Variants in CCBE1 observed in about 807,000 individuals in gnomAD.
The protein encoded by CCBE1 is collagen and calcium-binding EGF domain-containing protein 1.
A neutral mutation model predicts 50.0 loss-of-function variants in CCBE1; 37 were observed. The ratio of observed to expected loss-of-function variants is 0.74; its 90% confidence interval spans 0.57 to 0.97. The LOEUF is 0.97. CCBE1 is among the 50% of genes least tolerant of loss of function. CCBE1 has a pLI of 0.00. For synonymous variants in CCBE1, 234 were observed against 203.7 expected, an observed-to-expected ratio of 1.15 and a Z score of -1.27; for missense variants, 538 against 523.8, an observed-to-expected ratio of 1.03 and a Z score of -0.26.
At chr18:59,622,201 G>A (rs924968569) in intron 2 of CCBE1, among the ~76,000 whole-genome samples, 3 of 152,198 alleles carry the variant, frequency 2.0e-5, no homozygotes, top group Non-Finnish European at 4.4e-5. Flanking sequence ...GGGCCAACAT[G>A]AGGCTGCCCA....
At chr18:59,494,292 T>C (rs1395596528) in intron 2 of CCBE1, among the ~76,000 whole-genome samples, 1 of 152,184 alleles carries the variant, frequency 6.6e-6, no homozygotes, top group Admixed American at 6.5e-5. Context: ...GTGGCCCAAA[T>C]CCACTTTCTC....
In CCBE1 at chr18:59,448,076, C is replaced by G; in HGVS notation, c.682G>C (p.Asp228His). The G allele has an allele frequency of 6.2e-7, 1 of 1,614,008 alleles. No homozygotes were observed. Among genetic ancestry groups the G allele is most frequent in the Non-Finnish European group, 8.5e-7 (1 of 1,180,024 alleles). ...TCACCAGTGATATACTTGCCCAGGT[C>G]AGCTGCATTGTTGGGGAGCAGAGCA... ...KIALLPNNAA[D>H]LGKYITGDKV... is the part of the protein sequence containing the mutation. Residue 228 changes from aspartate (D) to histidine (H), a missense_variant, in exon 7 of 11, where the codon GAC becomes CAC. Physicochemically the swap from Asp to His is moderately conservative, Grantham distance 81. Coordinates refer to ENST00000439986, the MANE Select transcript of CCBE1 (RefSeq NM_133459.4).
chr18:59,521,919 C>T (rs931545013), intron 2 of CCBE1, among the ~76,000 whole-genome samples: 5 of 152,146 alleles, frequency 3.3e-5, no homozygotes, highest in Non-Finnish European at 5.9e-5. Flanking sequence ...ACACACATTC[C>T]TTAATCCTAA....
chr18:59,523,965 G>A (rs1316853339), intron 2 of CCBE1, among the ~76,000 whole-genome samples: 1 of 152,148 alleles, frequency 6.6e-6, no homozygotes, highest in Non-Finnish European at 1.5e-5. Flanking sequence ...CTCCACCCAG[G>A]AGCAAGGTAA....
chr18:59,576,811 G>A (rs1241407902), intron 2 of CCBE1, among the ~76,000 whole-genome samples: 2 of 152,176 alleles, frequency 1.3e-5, no homozygotes, highest in South Asian at 2.1e-4. Flanking sequence ...TGCATGTCTC[G>A]CTCAGACTGT....
At chr18:59,558,727 CA>C (rs1285487038) in intron 2 of CCBE1, among the ~76,000 whole-genome samples, 1 of 152,146 alleles carries the variant, frequency 6.6e-6, no homozygotes, top group Non-Finnish European at 1.5e-5. Flanking sequence ...AGCCAGGATA[CA>C]GCTTAGCTTG....
At chr18:59,493,792 C>T (rs1913222294) in intron 2 of CCBE1, among the ~76,000 whole-genome samples, 2 of 152,128 alleles carry the variant, frequency 1.3e-5, no homozygotes, top group Admixed American at 1.3e-4. Context: ...AATTGCATCT[C>T]CCACAATTCC....
intron 2 of CCBE1, among the ~76,000 whole-genome samples, chr18:59,487,789 A>G (rs1912894558): frequency 6.6e-6 from 1 of 152,232 alleles, no homozygotes; most frequent in South Asian, 2.1e-4. Context: ...ATATAGTGAC[A>G]CCTGAAAAAA....
chr18:59,497,809 G>A (rs1913425291), intron 2 of CCBE1, among the ~76,000 whole-genome samples: 2 of 152,136 alleles, frequency 1.3e-5, no homozygotes, highest in African/African-American at 4.8e-5. Flanking sequence ...TGTACCATGA[G>A]GCAACGCTCC....
At chr18:59,619,550 G>A (rs1466412248) in intron 2 of CCBE1, among the ~76,000 whole-genome samples, 1 of 152,184 alleles carries the variant, frequency 6.6e-6, no homozygotes, top group African/African-American at 2.4e-5. Flanking sequence ...TGTAATATGT[G>A]TATTATATAT....
intron 2 of CCBE1, among the ~76,000 whole-genome samples, chr18:59,545,788 GT>G (rs1267439827): frequency 6.6e-6 from 1 of 152,124 alleles, no homozygotes; most frequent in East Asian, 1.9e-4. Context: ...TTATCAGGGG[GT>G]TCCCCTTTTA....
At chr18:59,677,333 A>T (rs988055412) in intron 2 of CCBE1, among the ~76,000 whole-genome samples, 2 of 152,218 alleles carry the variant, frequency 1.3e-5, no homozygotes, top group African/African-American at 4.8e-5. Flanking sequence ...CTATCCAGGC[A>T]TTCAGACCAC....
chr18:59,615,801 G>T (rs2053629194), intron 2 of CCBE1, among the ~76,000 whole-genome samples: 1 of 152,154 alleles, frequency 6.6e-6, no homozygotes. Context: ...CACGGACATA[G>T]CTAGAACAGT....
At chr18:59,436,513 C>A (rs1427245796) in intron 10 of CCBE1, among the ~76,000 whole-genome samples, 2 of 152,190 alleles carry the variant, frequency 1.3e-5, no homozygotes, top group East Asian at 3.8e-4. Flanking sequence ...CTCATCTCTG[C>A]CGCTTACTAG....
Position 59,691,401 on chromosome 18 carries a change from TTTGTTTG to T in CCBE1, c.212+5221_212+5227del, listed in dbSNP as rs564163138. 2.8e-3 allele frequency among the ~76,000 whole-genome samples: 425 copies of T among 151,560 alleles called. 1 individual carries two copies. Among genetic ancestry groups the T allele is most frequent in the African/African-American group, 8.4e-3 (348 of 41,226 alleles). Reference sequence around the variant, plus strand: ...CCCTGCTCTCTTCTTCACAAGATTTTTTGTTTGTTTGTTTGTTTTTGTTAGATGGAGT... The same window carrying T: ...CCCTGCTCTCTTCTTCACAAGATTTTTTTGTTTGTTTTTGTTAGATGGAGT... On this transcript the variant is annotated intron_variant, in intron 2 of 10. Coordinates refer to ENST00000439986, the MANE Select transcript of CCBE1 (RefSeq NM_133459.4).
Position 59,435,849 on chromosome 18 carries a change from G to T in CCBE1, c.*59C>A. 1.4e-6 allele frequency: 2 copies of T among 1,437,258 alleles called. No homozygotes were observed. Among genetic ancestry groups the T allele is most frequent in the Non-Finnish European group, 2.0e-6 (2 of 1,018,376 alleles). 89.0% of individuals were successfully genotyped at this position (1,437,258 alleles called of 1,614,324 possible). ...CCAGTGGTCTTTCTTCTCTTTAGAT[G>T]GTTTAACTGCAGGTGAGTTGATCTT... is the stretch of plus-strand genomic sequence containing the variant. On this transcript the variant is annotated 3_prime_UTR_variant, in exon 11 of 11. Coordinates refer to ENST00000439986, the MANE Select transcript of CCBE1 (RefSeq NM_133459.4).
At chr18:59,463,423 A>G (rs1911587003) in intron 5 of CCBE1, among the ~76,000 whole-genome samples, 1 of 152,240 alleles carries the variant, frequency 6.6e-6, no homozygotes, top group East Asian at 1.9e-4. Context: ...ACTTACAGCC[A>G]CCGCCAGGGC....
chr18:59,618,102 C>T (rs759165017), intron 2 of CCBE1, among the ~76,000 whole-genome samples: 68 of 152,192 alleles, frequency 4.5e-4, no homozygotes, highest in African/African-American at 5.8e-4. Context: ...TCCCCCATAA[C>T]GATGGATTAA....
At chr18:59,542,987 T>C (rs1396509420) in intron 2 of CCBE1, among the ~76,000 whole-genome samples, 1 of 152,194 alleles carries the variant, frequency 6.6e-6, no homozygotes, top group Admixed American at 6.5e-5. Context: ...AAAGTTGCCT[T>C]TTCCCTCTTT....
Sources: gnomAD v4.1 joint callset for allele counts (sites outside exome capture counted in the v4.1 genomes callset) on GRCh38, gnomAD v4.1.1 for gene constraint, MANE v1.5 for transcripts, NCBI Gene and HGNC (gene_info 2026-07-23, HGNC 2026-07-21) for gene names.